Variants in TCERG1L observed in about 807,000 individuals in gnomAD.
The protein encoded by TCERG1L is transcription elongation regulator 1 like.
A neutral mutation model predicts 56.3 loss-of-function variants in TCERG1L; 37 were observed. The observed-to-expected ratio is 0.66, with a 90% confidence interval of 0.51 to 0.87. The LOEUF is 0.87. Ranked by LOEUF, TCERG1L falls within the 40% of genes least tolerant of loss-of-function variation. The probability of loss-of-function intolerance (pLI) is 0.00; values close to 1 mark genes in which losing one functional copy is unlikely to be tolerated. For synonymous variants in TCERG1L, 324 were observed against 326.3 expected (o/e 0.99, Z 0.08); for missense variants, 799 against 774.2 (o/e 1.03, Z -0.38).
intron 3 of TCERG1L, among the ~76,000 whole-genome samples, chr10:131,297,444 A>G (rs946118057): frequency 1.6e-4 from 25 of 152,344 alleles, no homozygotes; most frequent in African/African-American, 5.8e-4. Context: ...CAAATATATT[A>G]TCAACTTTAA....
intron 8 of TCERG1L, among the ~76,000 whole-genome samples, chr10:131,124,372 C>A (rs1845544065): frequency 6.6e-6 from 1 of 152,220 alleles, no homozygotes; most frequent in Non-Finnish European, 1.5e-5. Context: ...CCAAGGCTGG[C>A]CCCACCCCAG....
chr10:131,185,053 G>A (rs115944887), intron 4 of TCERG1L, among the ~76,000 whole-genome samples: 9,838 of 152,120 alleles, frequency 0.065, 1,070 homozygotes, highest in African/African-American at 0.22. Flanking sequence ...CCATGATGAT[G>A]CCACCACACT....
Position 131,311,565 on chromosome 10 carries a change from GGCTGCCGCCGCCGGGGCTGCTGCT to G in TCERG1L, c.47_70del (p.Gln16_Gln23del). On this transcript the variant is annotated inframe_deletion, in exon 1 of 12. Transcript: ENST00000368642. This position sits in a 1 kb window ranked among gnomAD's most constrained non-coding sequence, Gnocchi z 4.0. ...CTCTGCGTCCATCGGCCAGAGGAGA[GGCTGCCGCCGCCGGGGCTGCTGCT>G]GCTGCAGCTGCCGCCGCCGCCGCTG... is the stretch of plus-strand genomic sequence containing the variant. 1 of 1,165,382 alleles carries G rather than the reference GGCTGCCGCCGCCGGGGCTGCTGCT, an allele frequency of 8.6e-7. No homozygotes were observed. Among genetic ancestry groups the G allele is most frequent in the Non-Finnish European group, 1.1e-6 (1 of 945,512 alleles). The allele number at this position is 1,165,382 out of a possible 1,614,324, so 72.2% of individuals were successfully genotyped here.
chr10:131,179,167 T>G (rs1283204367), intron 4 of TCERG1L, among the ~76,000 whole-genome samples: 1 of 152,176 alleles, frequency 6.6e-6, no homozygotes, highest in Non-Finnish European at 1.5e-5. Context: ...TGAGCAGCAC[T>G]TCCTGCCCAC....
chr10:131,286,620 T>C (rs1238403271), intron 3 of TCERG1L, among the ~76,000 whole-genome samples: 2 of 152,230 alleles, frequency 1.3e-5, no homozygotes, highest in Non-Finnish European at 2.9e-5. Context: ...ACTATATAAG[T>C]GTACACCATT....
intron 8 of TCERG1L, among the ~76,000 whole-genome samples, chr10:131,121,725 G>A (rs568562640): frequency 6.6e-6 from 1 of 152,054 alleles, no homozygotes; most frequent in Admixed American, 6.5e-5. Context: ...CTCGGCCCTG[G>A]CCTGCCTCCC....
intron 7 of TCERG1L, among the ~76,000 whole-genome samples, chr10:131,144,814 T>G (rs55735337): frequency 5.1e-4 from 78 of 152,190 alleles, no homozygotes; most frequent in Non-Finnish European, 9.1e-4. Flanking sequence ...GAGTATAACA[T>G]GAGATTCTTG....
intron 7 of TCERG1L, among the ~76,000 whole-genome samples, chr10:131,144,040 C>A (rs538246450): frequency 6.6e-6 from 1 of 151,888 alleles, no homozygotes; most frequent in Non-Finnish European, 1.5e-5. Flanking sequence ...ACTTCCACGT[C>A]TCCTATCCCC....
chr10:131,200,921 G>C (rs991819031), intron 4 of TCERG1L, among the ~76,000 whole-genome samples: 15 of 152,122 alleles, frequency 9.9e-5, no homozygotes, highest in South Asian at 4.1e-4. Context: ...TATAAAAGAG[G>C]CTTCTCGCAC....
chr10:131,161,400 CCT>C (rs752264120), intron 6 of TCERG1L: 15 of 152,356 alleles, frequency 9.8e-5, no homozygotes, highest in African/African-American at 1.7e-4. Flanking sequence ...AGAATATACC[CCT>C]GTCGTTAAGC....
chr10:131,310,005 G>A lies in TCERG1L; in HGVS notation c.343-706C>T, dbSNP rs76754833. Among the ~76,000 whole-genome samples the A allele has an allele frequency of 9.7e-3, 1,483 of 152,196 alleles. 27 individuals are homozygous for A. Among genetic ancestry groups the A allele is most frequent in the African/African-American group, 0.035 (1,439 of 41,526 alleles). On this transcript the variant is annotated intron_variant, in intron 1 of 11. Coordinates refer to ENST00000368642, the MANE Select transcript of TCERG1L (RefSeq NM_174937.4). ...ATAAAATGCATTGCTCAATGACATG[G>A]AACGTTTCAGTACCTATTGTTTTAA...
chr10:131,240,392 ATTTAT>A (rs1845958026), intron 4 of TCERG1L, among the ~76,000 whole-genome samples: 1 of 151,334 alleles, frequency 6.6e-6, no homozygotes, highest in Non-Finnish European at 1.5e-5. Flanking sequence ...TATGGAGCTG[ATTTAT>A]TTTATGATCT....
chr10:131,259,382 C>G (rs1229609395), intron 4 of TCERG1L, among the ~76,000 whole-genome samples: 1 of 152,206 alleles, frequency 6.6e-6, no homozygotes, highest in Non-Finnish European at 1.5e-5. Context: ...TTTACCATCT[C>G]ACATGAAGAA....
chr10:131,114,162 A>G (rs951059955), intron 9 of TCERG1L, among the ~76,000 whole-genome samples: 1 of 142,132 alleles, frequency 7.0e-6, no homozygotes, highest in African/African-American at 2.5e-5. Context: ...ATCACTCCAC[A>G]AGTACATGAA....
intron 4 of TCERG1L, among the ~76,000 whole-genome samples, chr10:131,221,112 C>T (rs778444144): frequency 5.3e-5 from 8 of 152,238 alleles, no homozygotes; most frequent in South Asian, 2.1e-4. Flanking sequence ...GTGGCCCCCA[C>T]GCCTGCCCCC....
At chr10:131,206,398 G>A (rs2944484) in intron 4 of TCERG1L, among the ~76,000 whole-genome samples, 91,764 of 152,038 alleles carry the variant, frequency 0.6, 28,152 homozygotes, top group East Asian at 0.76. Context: ...GCCCCAGACA[G>A]CCAAGGAAGG....
chr10:131,127,140 C>A (rs554756505), intron 8 of TCERG1L, among the ~76,000 whole-genome samples: 1 of 152,300 alleles, frequency 6.6e-6, no homozygotes, highest in African/African-American at 2.4e-5. Flanking sequence ...CGGCAGGAAA[C>A]TAAATACCAC....
intron 4 of TCERG1L, among the ~76,000 whole-genome samples, chr10:131,224,818 A>T (rs904479409): frequency 6.6e-6 from 1 of 152,148 alleles, no homozygotes; most frequent in African/African-American, 2.4e-5. Flanking sequence ...AATGAAAAAT[A>T]ACAACCTCTG....
Position 131,116,868 on chromosome 10 carries a change from C to A in TCERG1L, c.1326G>T (p.Pro442=). 1 of 1,591,676 alleles carries A rather than the reference C, an allele frequency of 6.3e-7. No homozygotes were observed. The highest frequency in any genetic ancestry group is 2.3e-5 in the East Asian group (1 of 43,764). Residue 442 remains proline (P), a synonymous_variant, in exon 9 of 12, where the codon CCG becomes CCT. Coordinates refer to ENST00000368642, the MANE Select transcript of TCERG1L (RefSeq NM_174937.4). ...AKREDKGTRT[P]PPQILLPLEE... ...CCAGAGGCAGGAGGATCTGCGGGGG[C>A]GGCGTCCTTGTGCCTTTGTCCTCTC...
Sources: allele counts gnomAD v4.1 joint callset (sites outside exome capture counted in the v4.1 genomes callset), GRCh38; gene constraint gnomAD v4.1.1; non-coding constraint Gnocchi (gnomAD v3.1); transcripts MANE v1.5; gene names NCBI Gene and HGNC (gene_info 2026-07-23, HGNC 2026-07-21).